The following PRDM16 variants were observed in gnomAD, a reference collection of about 807,000 sequenced individuals.
PRDM16 encodes histone-lysine N-methyltransferase PRDM16.
Under a neutral mutation model 110.6 loss-of-function variants are expected in PRDM16, and 23 were observed. That is an observed-to-expected ratio of 0.21 (90% CI 0.15 to 0.29). PRDM16 has a LOEUF of 0.29. Ranked by LOEUF, PRDM16 falls within the 10% of genes least tolerant of loss-of-function variation. PRDM16 has a pLI of 1.00. For synonymous variants in PRDM16, 799 were observed against 781.8 expected, an observed-to-expected ratio of 1.02 and a Z score of -0.37; for missense variants, 1,615 against 1,794.3, an observed-to-expected ratio of 0.90 and a Z score of 1.81.
rs541906330 is a variant in PRDM16, at chr1:3,349,991, C to G, written c.439-35161C>G. Reference sequence around the variant, plus strand: ...GGGTCCTGAGCCCTGGAGGAGACAGCAGTCAGAGGCCTGGACCTGACTCCT... The same window carrying G: ...GGGTCCTGAGCCCTGGAGGAGACAGGAGTCAGAGGCCTGGACCTGACTCCT... On this transcript the variant is annotated intron_variant, in intron 3 of 16. Transcript: ENST00000270722. 6.8e-3 allele frequency among the ~76,000 whole-genome samples: 867 copies of G among 127,036 alleles called. 2 individuals carry two copies. Among genetic ancestry groups the G allele is most frequent in the Non-Finnish European group, 0.011 (631 of 57,092 alleles). 83.3% of individuals were successfully genotyped at this position (127,036 alleles called of 152,430 possible).
chr1:3,278,446 G>A (rs557252429), intron 3 of PRDM16, among the ~76,000 whole-genome samples: 16 of 152,324 alleles, frequency 1.1e-4, no homozygotes, highest in African/African-American at 3.8e-4. Context: ...GGGCCTGTGT[G>A]GAGTTCACAT....
chr1:3,254,179 T>C (rs1639999432), intron 3 of PRDM16, among the ~76,000 whole-genome samples: 3 of 152,228 alleles, frequency 2.0e-5, no homozygotes, highest in Non-Finnish European at 2.9e-5. Context: ...TGATGGTAGT[T>C]TCTTTTGCTG....
chr1:3,070,836 G>T (rs1360106862), intron 1 of PRDM16, among the ~76,000 whole-genome samples: 1 of 152,204 alleles, frequency 6.6e-6, no homozygotes, highest in African/African-American at 2.4e-5. Flanking sequence ...ACGCTCCTGC[G>T]CCCCGCCATC....
At chr1:3,165,131 G>C (rs528057365) in intron 1 of PRDM16, among the ~76,000 whole-genome samples, 1 of 152,230 alleles carries the variant, frequency 6.6e-6, no homozygotes, top group Non-Finnish European at 1.5e-5. Flanking sequence ...CAGCAGGCAG[G>C]CAGTCTTCTG....
chr1:3,425,840 G>A lies in PRDM16; in HGVS notation c.3109+90G>A, dbSNP rs527550790. 58 of 1,509,700 alleles carry A rather than the reference G, an allele frequency of 3.8e-5. No homozygotes were observed. The highest frequency in any genetic ancestry group is 1.4e-4 in the East Asian group (6 of 43,978). The allele number at this position is 1,509,700 out of a possible 1,614,324, so 93.5% of individuals were successfully genotyped here. A position where few individuals can be genotyped will look rare whatever the true frequency, so the allele number is the denominator to read the frequency against. On this transcript the variant is annotated intron_variant, in intron 13 of 16. Transcript: ENST00000270722. This position sits in a 1 kb window ranked among gnomAD's most constrained non-coding sequence, Gnocchi z 6.9. ...GGGGAACAGCAGGGGAGTGGGCGCC[G>A]GGCAGGGAAGAGGGCCACAGACTAC... is the stretch of plus-strand genomic sequence containing the variant.
intron 3 of PRDM16, among the ~76,000 whole-genome samples, chr1:3,348,534 G>A (rs1180934151): frequency 6.6e-6 from 1 of 152,248 alleles, no homozygotes; most frequent in Non-Finnish European, 1.5e-5. Flanking sequence ...GCTTGAATGG[G>A]CAGGGACAGT....
intron 3 of PRDM16, among the ~76,000 whole-genome samples, chr1:3,294,427 G>A (rs867851178): frequency 6.6e-6 from 1 of 152,068 alleles, no homozygotes; most frequent in South Asian, 2.1e-4. Context: ...TTCCAAAGGG[G>A]CTACAGGATT....
rs181302123 is a variant in PRDM16, at chr1:3,169,291, C to G, written c.38-16834C>G. 2.0e-5 allele frequency among the ~76,000 whole-genome samples: 3 copies of G among 152,272 alleles called. No homozygotes were observed. The East Asian group carries it at 5.8e-4, about 29-fold the overall frequency. On this transcript the variant is annotated intron_variant, in intron 1 of 16. Transcript: ENST00000270722. ...GATTCCTAAGGCCCTTCCATCCGGC[C>G]CCCACCACCCTGAATCCCTAGGGTT...
intron 3 of PRDM16, among the ~76,000 whole-genome samples, chr1:3,334,050 G>A (rs1002312308): frequency 1.3e-5 from 2 of 152,202 alleles, no homozygotes; most frequent in African/African-American, 2.4e-5. Context: ...CATAACACAC[G>A]TAAAGTGCAG....
At chr1:3,323,576 G>A (rs540570884) in intron 3 of PRDM16, among the ~76,000 whole-genome samples, 14 of 152,358 alleles carry the variant, frequency 9.2e-5, no homozygotes, top group South Asian at 2.1e-4. Context: ...GCCAGCTGCC[G>A]CCAGTGCCTG....
At chr1:3,225,014 G>A (rs902549382) in intron 2 of PRDM16, among the ~76,000 whole-genome samples, 1 of 152,238 alleles carries the variant, frequency 6.6e-6, no homozygotes. Flanking sequence ...CATTTGTTGC[G>A]TTCCTCCTGA....
rs897574251 is a variant in PRDM16, at chr1:3,290,603, G to A, written c.438+46466G>A. On this transcript the variant is annotated intron_variant, in intron 3 of 16. Transcript: ENST00000270722. The surrounding 1 kb of genome is among the most constrained non-coding windows in gnomAD (Gnocchi z 4.8). ...GAAGAAGCCCCGTGGCTCCGGCTCCGTCTGCAGGATCCCTCCCAGGACGCA... is the reference window on the plus strand; with the variant it reads ...GAAGAAGCCCCGTGGCTCCGGCTCCATCTGCAGGATCCCTCCCAGGACGCA... Among the ~76,000 whole-genome samples the A allele has an allele frequency of 7.2e-5, 11 of 152,178 alleles. No homozygotes were observed. Among genetic ancestry groups the A allele is most frequent in the African/African-American group, 1.9e-4 (8 of 41,444 alleles).
chr1:3,139,273 T>C (rs1643499487), intron 1 of PRDM16, among the ~76,000 whole-genome samples: 1 of 152,196 alleles, frequency 6.6e-6, no homozygotes, highest in East Asian at 1.9e-4. Flanking sequence ...CAGAGATTCT[T>C]CTGCACCTGC....
chr1:3,140,168 G>A (rs914881678), intron 1 of PRDM16, among the ~76,000 whole-genome samples: 4 of 152,208 alleles, frequency 2.6e-5, no homozygotes, highest in African/African-American at 4.8e-5. Flanking sequence ...AGTGGTCCCC[G>A]CTCCCCCGGC....
chr1:3,404,036 G>A (rs113511153), intron 6 of PRDM16, among the ~76,000 whole-genome samples: 7,162 of 152,306 alleles, frequency 0.047, 330 homozygotes, highest in Admixed American at 0.14. Flanking sequence ...AACAACGGGG[G>A]AAAAGATACA....
chr1:3,397,238 G>A (rs557156196), intron 5 of PRDM16, among the ~76,000 whole-genome samples: 10 of 152,350 alleles, frequency 6.6e-5, no homozygotes, highest in East Asian at 1.9e-4. Flanking sequence ...ACAGTGATGC[G>A]GAGTCGCCCC....
intron 1 of PRDM16, among the ~76,000 whole-genome samples, chr1:3,110,195 T>C (rs1642756066): frequency 7.4e-6 from 1 of 135,790 alleles, no homozygotes; most frequent in Non-Finnish European, 1.6e-5. Context: ...CCCCATGTCC[T>C]GGGTATGGGG....
At chr1:3,333,285 A>T (rs574586186) in intron 3 of PRDM16, among the ~76,000 whole-genome samples, 2 of 151,942 alleles carry the variant, frequency 1.3e-5, no homozygotes, top group South Asian at 4.2e-4. Context: ...AGTAGCAGAG[A>T]CCCCCTTGGC....
chr1:3,321,979 TG>T (rs1278108601), intron 3 of PRDM16, among the ~76,000 whole-genome samples: 1 of 151,758 alleles, frequency 6.6e-6, no homozygotes, highest in African/African-American at 2.4e-5. Flanking sequence ...TATATTTGTG[TG>T]GGGGTGCATG....
Sources: gnomAD v4.1 joint callset for allele counts (sites outside exome capture counted in the v4.1 genomes callset) on GRCh38, gnomAD v4.1.1 for gene constraint, Gnocchi (gnomAD v3.1) non-coding constraint, MANE v1.5 for transcripts, NCBI Gene and HGNC (gene_info 2026-07-23, HGNC 2026-07-21) for gene names.